Variants in CCDC102B observed in about 807,000 individuals in gnomAD.
CCDC102B encodes coiled-coil domain containing 102B.
Under a neutral mutation model 57.4 loss-of-function variants are expected in CCDC102B, and 75 were observed. The ratio of observed to expected loss-of-function variants is 1.31; its 90% CI spans 1.08 to 1.58. The LOEUF (loss-of-function observed/expected upper bound fraction) is 1.58. Ranked by LOEUF, CCDC102B falls within the 40% of genes most tolerant of loss-of-function variation. CCDC102B has a pLI of 0.00. For synonymous variants in CCDC102B, 206 were observed against 201.9 expected (o/e 1.02, Z -0.17); for missense variants, 636 against 582.6 (o/e 1.09, Z -0.94).
chr18:69,013,528 T>TA (rs1380559974), intron 7 of CCDC102B, among the ~76,000 whole-genome samples: 1 of 151,898 alleles, frequency 6.6e-6, no homozygotes, highest in South Asian at 2.1e-4. Context: ...TTTGTTCAAA[T>TA]AAAAAAAGAA....
intron 7 of CCDC102B, among the ~76,000 whole-genome samples, chr18:69,053,373 A>G (rs1007979971): frequency 6.6e-6 from 1 of 150,804 alleles, no homozygotes; most frequent in African/African-American, 2.5e-5. Flanking sequence ...ATGTATACAT[A>G]CACGTGTATT....
chr18:68,723,885 G>A (rs1325036314), intron 2 of CCDC102B, among the ~76,000 whole-genome samples: 5 of 152,218 alleles, frequency 3.3e-5, no homozygotes, highest in East Asian at 1.9e-4. Context: ...GGATGCTGTG[G>A]TGGGGGCTGT....
chr18:68,783,610 T>C (rs656681), intron 2 of CCDC102B, among the ~76,000 whole-genome samples: 10,994 of 152,182 alleles, frequency 0.072, 768 homozygotes, highest in African/African-American at 0.18. Context: ...TTTTACCTTG[T>C]TGACAGCCTT....
intron 7 of CCDC102B, among the ~76,000 whole-genome samples, chr18:69,034,988 C>T (rs2052249512): frequency 6.6e-6 from 1 of 151,786 alleles, no homozygotes; most frequent in African/African-American, 2.4e-5. Flanking sequence ...AAATCTGAAC[C>T]TGTGTCATTC....
chr18:68,899,121 TG>T (rs56264809), intron 6 of CCDC102B, among the ~76,000 whole-genome samples: 152,090 of 152,092 alleles, frequency 1, 76,044 homozygotes, highest in Non-Finnish European at 1. Context: ...GTGAGGGTGG[TG>T]GTTGGTGATT....
intron 5 of CCDC102B, among the ~76,000 whole-genome samples, chr18:68,888,532 ACTC>A (rs1054481310): frequency 2.0e-4 from 31 of 152,062 alleles, no homozygotes; most frequent in African/African-American, 7.0e-4. Flanking sequence ...GTTTAGCAGT[ACTC>A]CTGGTTTCTA....
intron 7 of CCDC102B, among the ~76,000 whole-genome samples, chr18:69,020,309 T>A (rs765595252): frequency 2.6e-5 from 4 of 152,140 alleles, no homozygotes; most frequent in Non-Finnish European, 5.9e-5. Flanking sequence ...AACTTTAAGA[T>A]GGCATTCATG....
At chr18:69,008,415 CT>C (rs2051410565) in intron 6 of CCDC102B, among the ~76,000 whole-genome samples, 1 of 152,190 alleles carries the variant, frequency 6.6e-6, no homozygotes, top group African/African-American at 2.4e-5. Context: ...TCCTGTCTAG[CT>C]GCCCAGACCA....
rs1322421136 is a variant in CCDC102B, at chr18:69,054,106, A to G, written c.1511A>G (p.Glu504Gly). 1.9e-6 allele frequency: 3 copies of G among 1,607,058 alleles called. No homozygotes were observed. The highest frequency in any genetic ancestry group is 2.5e-6 in the Non-Finnish European group (3 of 1,178,116). ...GAGAAAGAAAGAAATGAAAACTTAG[A>G]GACTGAACTCAGGCACTTGCAAAAC... Reference protein sequence around the residue: ...DEEKERNENLETELRHLQNW With the variant: ...DEEKERNENLGTELRHLQNW Residue 504 changes from glutamate to glycine, a missense_variant, in exon 8 of 8, where the codon GAG becomes GGG. Coordinates refer to ENST00000360242, the MANE Select transcript of CCDC102B (RefSeq NM_024781.3).
chr18:68,873,046 G>A (rs1384934238), intron 4 of CCDC102B, among the ~76,000 whole-genome samples: 1 of 152,106 alleles, frequency 6.6e-6, no homozygotes, highest in East Asian at 1.9e-4. Flanking sequence ...TTCAGTTACC[G>A]AAATGAATTC....
intron 6 of CCDC102B, among the ~76,000 whole-genome samples, chr18:68,913,340 G>GTGTGTGTA (rs1180300847): frequency 2.6e-4 from 39 of 151,190 alleles, no homozygotes; most frequent in Admixed American, 2.0e-3. Flanking sequence ...GTGTGTGTGT[G>GTGTGTGTA]TGTGGTCCTA....
chr18:69,016,995 A>G (rs1454107245), intron 7 of CCDC102B, among the ~76,000 whole-genome samples: 1 of 152,216 alleles, frequency 6.6e-6, no homozygotes, highest in Non-Finnish European at 1.5e-5. Flanking sequence ...CTAATATGAA[A>G]GTAAAGTAAA....
rs549367358 is a variant in CCDC102B at position 68,974,017 on chromosome 18, A to G, written c.1264-36917A>G. Among the ~76,000 whole-genome samples the G allele has an allele frequency of 2.0e-5, 3 of 152,250 alleles. 1 individual carries two copies. Among genetic ancestry groups the G allele is most frequent in the Admixed American group, 2.0e-4 (3 of 15,272 alleles). ...AGTGATATAAAAAATACTGAAGCTG[A>G]TATAAAGAAAACAAATAGGAACCTT... On this transcript the variant is annotated intron_variant, in intron 6 of 7. Coordinates refer to ENST00000360242, the MANE Select transcript of CCDC102B (RefSeq NM_024781.3).
intron 6 of CCDC102B, among the ~76,000 whole-genome samples, chr18:68,938,751 C>T (rs1201748040): frequency 6.6e-6 from 1 of 151,238 alleles, no homozygotes; most frequent in Non-Finnish European, 1.5e-5. Flanking sequence ...CAAATCTATG[C>T]ACTCTTGAAT....
Position 68,991,757 on chromosome 18 carries a change from A to G in CCDC102B, c.1264-19177A>G, listed in dbSNP as rs183894566. On this transcript the variant is annotated intron_variant, in intron 6 of 7. Transcript: ENST00000360242. ...AAGTCGTTAAATATCACACTGAGTCAGGATATATAGTAGATGAAAATGTAT... is the reference window on the plus strand; with the variant it reads ...AAGTCGTTAAATATCACACTGAGTCGGGATATATAGTAGATGAAAATGTAT... Among the ~76,000 whole-genome samples the G allele has an allele frequency of 8.6e-4, 131 of 152,360 alleles. 1 individual carries two copies. The highest frequency in any genetic ancestry group is 3.0e-3 in the African/African-American group (125 of 41,584).
intron 6 of CCDC102B, among the ~76,000 whole-genome samples, chr18:68,986,884 T>A (rs1229311965): frequency 6.6e-6 from 1 of 152,012 alleles, no homozygotes; most frequent in Non-Finnish European, 1.5e-5. Flanking sequence ...AAGATCTCTA[T>A]GAGGGGAACT....
intron 6 of CCDC102B, among the ~76,000 whole-genome samples, chr18:68,918,348 A>G (rs925557233): frequency 6.6e-6 from 1 of 152,018 alleles, no homozygotes; most frequent in Non-Finnish European, 1.5e-5. Flanking sequence ...TTTTTTCTCT[A>G]CAATTAACTC....
chr18:68,888,413 C>G (rs933008372), intron 5 of CCDC102B, among the ~76,000 whole-genome samples: 2 of 152,204 alleles, frequency 1.3e-5, no homozygotes, highest in East Asian at 1.9e-4. Context: ...TTAATGGTAT[C>G]CTTTGTTCTT....
intron 6 of CCDC102B, among the ~76,000 whole-genome samples, chr18:68,911,730 C>A (rs373787482): frequency 7.3e-5 from 7 of 96,244 alleles, no homozygotes; most frequent in African/African-American, 1.4e-4. Context: ...CCAGCCTGGG[C>A]GACAGAGCGA....
Sources: allele counts gnomAD v4.1 joint callset (sites outside exome capture counted in the v4.1 genomes callset), GRCh38; gene constraint gnomAD v4.1.1; transcripts MANE v1.5; gene names NCBI Gene and HGNC (gene_info 2026-07-23, HGNC 2026-07-21).